Variants in DCST1 observed in about 807,000 individuals in gnomAD.
DCST1 encodes DC-STAMP domain containing 1.
A neutral mutation model predicts 89.1 loss-of-function variants in DCST1; 78 were observed. The observed-to-expected ratio is 0.88, with a 90% CI of 0.73 to 1.06. DCST1 has a LOEUF of 1.06. Ranked by LOEUF, DCST1 falls within the 50% of genes least tolerant of loss-of-function variation. The pLI is 0.00. For missense variants in DCST1, 900 were observed against 928.6 expected (o/e 0.97, Z 0.40); for synonymous variants, 364 against 371.9 (o/e 0.98, Z 0.24).
At chr1:155,043,993 G>A (rs1422962764) in intron 10 of DCST1, among the ~76,000 whole-genome samples, 1 of 152,176 alleles carries the variant, frequency 6.6e-6, no homozygotes, top group Non-Finnish European at 1.5e-5. Context: ...TCCCCTGCTG[G>A]TCTCTGGACC....
chr1:155,043,191 G>T (rs920137978), intron 9 of DCST1, among the ~76,000 whole-genome samples, 161 bp from the exon 10 acceptor site: 16 of 152,154 alleles, frequency 1.1e-4, no homozygotes, highest in African/African-American at 3.9e-4. Flanking sequence ...GCAAGACTGT[G>T]TCCAGGAGGG....
At chr1:155,037,717 G>A (rs916693049) in intron 4 of DCST1, among the ~76,000 whole-genome samples, 3 of 152,100 alleles carry the variant, frequency 2.0e-5, no homozygotes, top group South Asian at 2.1e-4. Context: ...GATTATAGGC[G>A]TGAGCCACCA....
chr1:155,035,006 C>G, intron 4 of DCST1: 1 of 446,262 alleles, frequency 2.2e-6, no homozygotes, highest in South Asian at 3.1e-5. Context: ...ACTCTCATCT[C>G]TCCTGACCTG....
intron 4 of DCST1, among the ~76,000 whole-genome samples, chr1:155,036,082 T>G (rs1660272846): frequency 7.3e-6 from 1 of 136,376 alleles, no homozygotes; most frequent in African/African-American, 2.7e-5. Flanking sequence ...GGAAGAAACA[T>G]CCTTTCCTCA....
intron 4 of DCST1, among the ~76,000 whole-genome samples, chr1:155,037,507 G>T (rs561877811): frequency 6.9e-6 from 1 of 145,690 alleles, no homozygotes; most frequent in Non-Finnish European, 1.5e-5. Flanking sequence ...GCAGTGGCAC[G>T]ATCTCAGCTC....
chr1:155,042,737 A>G lies in DCST1; in HGVS notation c.895A>G (p.Met299Val), dbSNP rs1198491566. ...FKFFCGIAKV[M>V]EVWCRNRIPV... ...TGACCCCGTCCACTGTTCACCAGTG[A>G]TGGAGGTTTGGTGCCGCAATCGCAT... Residue 299 changes from methionine to valine, a missense_variant and splice_region_variant, in exon 9 of 17, where the codon ATG (methionine) becomes GTG (valine). Met to Val is a conservative substitution (Grantham distance 21). Coordinates refer to ENST00000295542, the MANE Select transcript of DCST1 (RefSeq NM_152494.4). The G allele has an allele frequency of 2.5e-6, 4 of 1,614,158 alleles. No homozygotes were observed. The highest frequency in any genetic ancestry group is 2.2e-5 in the East Asian group (1 of 44,878).
chr1:155,047,454 C>G, intron 14 of DCST1, 142 bp downstream of exon 14: 1 of 749,216 alleles, frequency 1.3e-6, no homozygotes, highest in Non-Finnish European at 2.2e-6. Flanking sequence ...GAAATCGGAG[C>G]AGGGAACACA....
Position 155,041,581 on chromosome 1 carries a change from T to A in DCST1, c.716T>A (p.Met239Lys). The A allele has an allele frequency of 6.2e-7, 1 of 1,613,974 alleles. No individual in the cohort carries two copies. The highest frequency in any genetic ancestry group is 8.5e-7 in the Non-Finnish European group (1 of 1,179,970). Residue 239 changes from methionine to lysine, a missense_variant, in exon 7 of 17, where the codon ATG (methionine) becomes AAG (lysine). Coordinates refer to ENST00000295542, the MANE Select transcript of DCST1 (RefSeq NM_152494.4). ...ASRLHLSTQK[M>K]YELKTKLRCS... is the part of the protein sequence containing the mutation. ...AGACTCCACCTGTCGACACAGAAGA[T>A]GTATGAGCTGAAGACCAAGCTGCGT...
chr1:155,046,486 A>G lies in DCST1; in HGVS notation c.1495A>G (p.Ser499Gly), dbSNP rs1039600123. 14 of 1,613,472 alleles carry G rather than the reference A, an allele frequency of 8.7e-6. 1 individual carries two copies. The Admixed American group carries it at 1.0e-4, about 12-fold the overall frequency. The stretch of plus-strand genomic sequence containing the variant: ...CTCCTTCCTGCAGTACTCCTTCCGC[A>G]GTAAGCCCATCCCCCAGACACATTC... The part of the protein sequence containing the change: ...HHSFLQYSFR[S>G]SHKLEVKVGG... The change falls in exon 13 of 17, where the codon AGC (serine) becomes GGC (glycine). Residue 499 changes from serine (S) to glycine (G), a missense_variant and splice_region_variant. Transcript: ENST00000295542.
intron 15 of DCST1, 56 bp downstream of exon 15, chr1:155,047,985 C>A: frequency 6.2e-7 from 1 of 1,611,452 alleles, no homozygotes; most frequent in Non-Finnish European, 8.5e-7. Context: ...CACACACACA[C>A]CACCCAGCTC....
chr1:155,038,985 A>T (rs1306605449), intron 4 of DCST1, among the ~76,000 whole-genome samples: 1 of 152,178 alleles, frequency 6.6e-6, no homozygotes, highest in Non-Finnish European at 1.5e-5. Flanking sequence ...GAGTACTGGG[A>T]GTACTGAGGT....
In DCST1 at chr1:155,048,046, C is replaced by T. The variant is rs749496109; in HGVS notation, c.1756-11C>T. ...GCCTTTCTCTATCATTGACCCCCTTCCTGCCCCCAGCGAGAGAAGAAGCGG... is the reference window on the plus strand; with the variant it reads ...GCCTTTCTCTATCATTGACCCCCTTTCTGCCCCCAGCGAGAGAAGAAGCGG... On this transcript the variant is annotated splice_polypyrimidine_tract_variant and intron_variant, in intron 15 of 16. Transcript: ENST00000295542. 2.6e-5 allele frequency: 42 copies of T among 1,613,764 alleles called. No homozygotes were observed. In the South Asian group the frequency reaches 4.5e-4, roughly 17 times the overall value.
At chr1:155,044,404 G>T (rs537686116) in intron 10 of DCST1, among the ~76,000 whole-genome samples, 12 of 149,102 alleles carry the variant, frequency 8.0e-5, no homozygotes, top group African/African-American at 2.9e-4. Flanking sequence ...ATCACTGGGA[G>T]GTCGAAGCTG....
intron 11 of DCST1, 62 bp from the exon 12 acceptor site, chr1:155,046,062 AG>A: frequency 6.2e-7 from 1 of 1,613,756 alleles, no homozygotes; most frequent in Non-Finnish European, 8.5e-7. Flanking sequence ...TGCTCCAGGA[AG>A]GCAGAGAGGA....
At chr1:155,036,743 T>C (rs775092495) in intron 4 of DCST1, among the ~76,000 whole-genome samples, 7 of 152,244 alleles carry the variant, frequency 4.6e-5, no homozygotes, top group Non-Finnish European at 8.8e-5. Flanking sequence ...GCCTGATTAT[T>C]GTCCCCTTGG....
Position 155,047,180 on chromosome 1 carries a change from G to A in DCST1, c.1496-16G>A. ...TCCACCTGCCCTGACTTCCCTACCT[G>A]TCCTCCTGGCCGCAGGCAGTCATAA... On this transcript the variant is annotated splice_polypyrimidine_tract_variant and intron_variant, in intron 13 of 16. Coordinates refer to ENST00000295542, the MANE Select transcript of DCST1 (RefSeq NM_152494.4). The A allele has an allele frequency of 6.2e-7, 1 of 1,608,162 alleles. No homozygotes were observed. The highest frequency in any genetic ancestry group is 8.5e-7 in the Non-Finnish European group (1 of 1,174,674).
chr1:155,034,184 A>G, intron 2 of DCST1, 87 bp downstream of exon 2: 2 of 1,569,166 alleles, frequency 1.3e-6, no homozygotes, highest in Non-Finnish European at 1.8e-6. Context: ...CTATCCCCCA[A>G]CTCGGTGTCC....
intron 10 of DCST1, chr1:155,045,521 T>C (rs1225927993): frequency 1.2e-5 from 3 of 243,920 alleles, no homozygotes; most frequent in South Asian, 5.0e-5. Context: ...CCTCAAGGAG[T>C]TTCCCCCTCT....
chr1:155,044,818 G>A (rs1660562451), intron 10 of DCST1, among the ~76,000 whole-genome samples: 1 of 152,154 alleles, frequency 6.6e-6, no homozygotes, highest in Non-Finnish European at 1.5e-5. Flanking sequence ...ATGGCCTCAG[G>A]AAGTCTGGAG....
Sources: gnomAD v4.1 joint callset for allele counts (sites outside exome capture counted in the v4.1 genomes callset) on GRCh38, gnomAD v4.1.1 for gene constraint, MANE v1.5 for transcripts, NCBI Gene and HGNC (gene_info 2026-07-23, HGNC 2026-07-21) for gene names.